ADGRL1: variants seen among roughly 807,000 people sequenced by gnomAD.
ADGRL1 encodes CIRL-1.
ADGRL1 carries 31 observed loss-of-function variants against 148.9 expected under a neutral mutation model. The ratio of observed to expected loss-of-function variants is 0.21; its 90% CI spans 0.16 to 0.28. The LOEUF (loss-of-function observed/expected upper bound fraction) is 0.28. Ranked by LOEUF, ADGRL1 falls within the 10% of genes least tolerant of loss-of-function variation. The pLI is 1.00. For missense variants in ADGRL1, 1,521 were observed against 2,058.8 expected (o/e 0.74, Z 5.05); for synonymous variants, 937 against 900.3 (o/e 1.04, Z -0.73).
At chr19:14,182,178 C>T (rs939942620) in intron 2 of ADGRL1, among the ~76,000 whole-genome samples, 3 of 152,228 alleles carry the variant, frequency 2.0e-5, no homozygotes, top group Non-Finnish European at 4.4e-5. Flanking sequence ...TCTCACAGGA[C>T]TGTTGTGATG....
chr19:14,204,308 G>C (rs1047356884), intron 1 of ADGRL1, among the ~76,000 whole-genome samples: 3 of 152,100 alleles, frequency 2.0e-5, no homozygotes, highest in African/African-American at 7.2e-5. Context: ...GCCCCCCAAA[G>C]CTGGGGCCTG....
chr19:14,203,693 C>T (rs1180335237), intron 1 of ADGRL1, among the ~76,000 whole-genome samples: 1 of 152,094 alleles, frequency 6.6e-6, no homozygotes, highest in Non-Finnish European at 1.5e-5. Context: ...CTTCGAGTCC[C>T]CCCCTTCCAC....
Position 14,184,637 on chromosome 19 carries a change from TATTTA to T in ADGRL1, c.-95-945_-95-941del, listed in dbSNP as rs1244886299. Among the ~76,000 whole-genome samples, 719 of 135,334 alleles carry T rather than the reference TATTTA, an allele frequency of 5.3e-3. 19 individuals carry two copies. Among genetic ancestry groups the T allele is most frequent in the African/African-American group, 0.02 (661 of 33,862 alleles). The allele number at this position is 135,334 out of a possible 152,430, so 88.8% of individuals were successfully genotyped here. A position where few individuals can be genotyped will look rare whatever the true frequency, so the allele number is the denominator to read the frequency against. On this transcript the variant is annotated intron_variant, in intron 1 of 22. Coordinates refer to ENST00000361434, the MANE Select transcript of ADGRL1 (RefSeq NM_014921.5). ...TTATTTATTTATTTATTTATTTATT[TATTTA>T]TTTATTTTTTTTTCTGAGACGGAGT...
At chr19:14,151,899 T>C (rs1240058582) in intron 22 of ADGRL1, among the ~76,000 whole-genome samples, 1 of 152,200 alleles carries the variant, frequency 6.6e-6, no homozygotes, top group Non-Finnish European at 1.5e-5. Context: ...TGAGGAGGCC[T>C]GGGCAACAGG....
intron 4 of ADGRL1, 24 bp from the exon 5 acceptor site, chr19:14,163,430 A>T: frequency 1.4e-6 from 2 of 1,386,002 alleles, no homozygotes; most frequent in Non-Finnish European, 1.9e-6. Flanking sequence ...GCGGGAGGGG[A>T]GGAGGTAGGA....
chr19:14,183,482 C>A (rs748343164), intron 2 of ADGRL1, 51 bp downstream of exon 2: 1 of 1,505,462 alleles, frequency 6.6e-7, no homozygotes, highest in Non-Finnish European at 9.0e-7. Context: ...ATCTGCCCCC[C>A]CCAGAAGGGT....
Position 14,162,718 on chromosome 19 carries a change from G to A in ADGRL1, c.1083C>T (p.Tyr361=). The change falls in exon 5 of 23, where the codon TAC becomes TAT. Residue 361 remains tyrosine (Y), a synonymous_variant. Transcript: ENST00000361434. This position sits in a 1 kb window ranked among gnomAD's most constrained non-coding sequence, Gnocchi z 5.4. The part of the protein sequence containing the change: ...EPVSLTFPNP[Y]QFISSVDYNP... Reference sequence around the variant, plus strand: ...TGTAGTCAACGGAGGAGATGAACTGGTAGGGGTTGGGGAAGGTGAGGCTGA... The same window carrying A: ...TGTAGTCAACGGAGGAGATGAACTGATAGGGGTTGGGGAAGGTGAGGCTGA... 1.2e-6 allele frequency: 2 copies of A among 1,614,192 alleles called. No homozygotes were observed. The highest frequency in any genetic ancestry group is 1.7e-6 in the Non-Finnish European group (2 of 1,180,024).
Position 14,161,572 on chromosome 19 carries a change from A to G in ADGRL1, c.1250T>C (p.Leu417Pro), listed in dbSNP as rs1969383085. The stretch of plus-strand genomic sequence containing the variant: ...GGCTGCGGGCGAGGCTGTGCTGGTG[A>G]GGGGCGTGGGCCTGGCTGTGGTGGT... ...STTTTARPTP[L>P]TSTASPAATT... The change falls in exon 6 of 23, where the codon CTC (leucine) becomes CCC (proline). Residue 417 changes from leucine (L) to proline (P), a missense_variant. By Grantham distance (98) the Leu-to-Pro change is moderately conservative (BLOSUM62 -3). Around this residue, in one of 8 missense-constraint regions of ADGRL1, gnomAD observed 270 missense variants for 320.4 expected, o/e 0.84. Coordinates refer to ENST00000361434, the MANE Select transcript of ADGRL1 (RefSeq NM_014921.5). This position sits in a 1 kb window ranked among gnomAD's most constrained non-coding sequence, Gnocchi z 4.4. 1 of 1,429,718 alleles carries G rather than the reference A, an allele frequency of 7.0e-7. No homozygotes were observed. Among genetic ancestry groups the G allele is most frequent in the Non-Finnish European group, 9.2e-7 (1 of 1,092,504 alleles). The allele number at this position is 1,429,718 out of a possible 1,614,324, so 88.6% of individuals were successfully genotyped here.
intron 1 of ADGRL1, among the ~76,000 whole-genome samples, chr19:14,201,455 C>T (rs1272278544): frequency 2.7e-5 from 4 of 150,544 alleles, no homozygotes; most frequent in African/African-American, 9.8e-5. Context: ...CCTGCTTCGT[C>T]GCCCAGGCTG....
chr19:14,176,791 A>G (rs1293183088), intron 3 of ADGRL1, among the ~76,000 whole-genome samples: 1 of 151,518 alleles, frequency 6.6e-6, no homozygotes, highest in East Asian at 1.9e-4. Context: ...GTGAGCTGTG[A>G]TTGTGCCACT....
In ADGRL1 at chr19:14,162,600, C is replaced by G; in HGVS notation, c.1195+6G>C. On this transcript the variant is annotated splice_donor_region_variant and intron_variant, in intron 5 of 22. Coordinates refer to ENST00000361434, the MANE Select transcript of ADGRL1 (RefSeq NM_014921.5). This position sits in a 1 kb window ranked among gnomAD's most constrained non-coding sequence, Gnocchi z 5.4. The stretch of plus-strand genomic sequence containing the variant: ...GGCTCCATGCCTGGAAGTGAGTCGT[C>G]CTCACCAGCACTGGGGTCGGGCGGC... 2 of 1,597,452 alleles carry G rather than the reference C, an allele frequency of 1.3e-6. No individual in the cohort carries two copies. The highest frequency in any genetic ancestry group is 1.7e-6 in the Non-Finnish European group (2 of 1,169,132).
In ADGRL1 at chr19:14,161,969, G is replaced by A. The variant is rs1969440129; in HGVS notation, c.1196-343C>T. Among the ~76,000 whole-genome samples, 1 of 152,130 alleles carries A rather than the reference G, an allele frequency of 6.6e-6. No individual in the cohort carries two copies. On this transcript the variant is annotated intron_variant, in intron 5 of 22. Transcript: ENST00000361434. This position sits in a 1 kb window ranked among gnomAD's most constrained non-coding sequence, Gnocchi z 4.4. The stretch of plus-strand genomic sequence containing the variant: ...AGGGCAGGAGCCCTCCCCAATCCAG[G>A]TCAGCCCCGCCACCAGGTGGGGGCT...
At chr19:14,182,227 A>G (rs964005274) in intron 2 of ADGRL1, among the ~76,000 whole-genome samples, 5 of 152,206 alleles carry the variant, frequency 3.3e-5, no homozygotes, top group African/African-American at 1.2e-4. Context: ...CAGTGAGATG[A>G]TATGAATGCT....
Position 14,152,834 on chromosome 19 carries a change from G to A in ADGRL1, c.3373C>T (p.Leu1125Phe). 2 of 1,614,170 alleles carry A rather than the reference G, an allele frequency of 1.2e-6. No individual in the cohort carries two copies. Among genetic ancestry groups the A allele is most frequent in the Non-Finnish European group, 1.7e-6 (2 of 1,180,032 alleles). The change falls in exon 19 of 23, where the codon CTC (leucine) becomes TTC (phenylalanine). Residue 1125 changes from leucine (L) to phenylalanine (F), a missense_variant. Around this residue, in one of 8 missense-constraint regions of ADGRL1, gnomAD observed 185 missense variants for 251.7 expected, o/e 0.74. Transcript: ENST00000361434. The surrounding 1 kb of genome is among the most constrained non-coding windows in gnomAD (Gnocchi z 6.1). Reference protein sequence around the residue: ...RSPPGGTHGSLKTSAMRSNTR... With the variant: ...RSPPGGTHGSFKTSAMRSNTR... ...TTGCTTCGCATGGCTGAGGTCTTGAGGGATCCGTGAGTGCCCCCGGGTGGG... is the reference window on the plus strand; with the variant it reads ...TTGCTTCGCATGGCTGAGGTCTTGAAGGATCCGTGAGTGCCCCCGGGTGGG...
chr19:14,179,338 C>G (rs1971034204), intron 2 of ADGRL1, among the ~76,000 whole-genome samples: 1 of 151,862 alleles, frequency 6.6e-6, no homozygotes, highest in Non-Finnish European at 1.5e-5. Context: ...ACCAAAAATA[C>G]AAAAAATTAG....
intron 18 of ADGRL1, among the ~76,000 whole-genome samples, chr19:14,153,982 A>G (rs1968479397): frequency 6.6e-6 from 1 of 151,850 alleles, no homozygotes; most frequent in Admixed American, 6.6e-5. Flanking sequence ...AAAAAAATAA[A>G]TAGATCAGAG....
At chr19:14,177,972 C>T (rs903164480) in intron 2 of ADGRL1, among the ~76,000 whole-genome samples, 1 of 152,120 alleles carries the variant, frequency 6.6e-6, no homozygotes, top group East Asian at 1.9e-4. Flanking sequence ...TAGGAAGTGA[C>T]GTCTGAGCCT....
chr19:14,195,288 C>G (rs1156712550), intron 1 of ADGRL1, among the ~76,000 whole-genome samples: 2 of 152,104 alleles, frequency 1.3e-5, no homozygotes, highest in Non-Finnish European at 2.9e-5. Context: ...AGGGTCGGTG[C>G]GGCAGGGTGG....
At chr19:14,173,562 A>C (rs190020950) in intron 3 of ADGRL1, among the ~76,000 whole-genome samples, 1 of 152,298 alleles carries the variant, frequency 6.6e-6, no homozygotes, top group East Asian at 1.9e-4. Context: ...ATTTAAAACA[A>C]GTGTTTAAGC....
Sources: gnomAD v4.1 joint callset for allele counts (sites outside exome capture counted in the v4.1 genomes callset) on GRCh38, gnomAD v4.1.1 for gene constraint, gnomAD v4.1.1 regional missense constraint, Gnocchi (gnomAD v3.1) non-coding constraint, MANE v1.5 for transcripts, NCBI Gene and HGNC (gene_info 2026-07-23, HGNC 2026-07-21) for gene names.